Variants in INSR observed in about 807,000 individuals in gnomAD.
INSR encodes IR.
INSR carries 67 observed loss-of-function variants against 142.6 expected under a neutral mutation model. That is an observed-to-expected ratio of 0.47 (90% CI 0.39 to 0.58). The LOEUF (loss-of-function observed/expected upper bound fraction) is 0.58, where lower values mean the gene tolerates loss of function less well. Among genes scored for constraint, INSR ranks in the 20% least tolerant of loss-of-function variants. The pLI, the probability that INSR is intolerant of heterozygous loss-of-function variation, is 0.00. For synonymous variants in INSR, 756 were observed against 743.1 expected (o/e 1.02, Z -0.28); for missense variants, 1,248 against 1,833.2 (o/e 0.68, Z 5.83).
chr19:7,269,205 T>A (rs1344042725), intron 1 of INSR, among the ~76,000 whole-genome samples: 17 of 119,488 alleles, frequency 1.4e-4, no homozygotes, highest in African/African-American at 3.7e-4. Flanking sequence ...GAATAGTAAA[T>A]CCTCTAAAAA....
chr19:7,180,420 C>T (rs1381636444), intron 3 of INSR, among the ~76,000 whole-genome samples: 1 of 150,676 alleles, frequency 6.6e-6, no homozygotes, highest in African/African-American at 2.4e-5. Flanking sequence ...GTCCCAGCTA[C>T]TCAGGAGGCT....
At chr19:7,167,379 C>T (rs1973911434) in intron 7 of INSR, among the ~76,000 whole-genome samples, 1 of 152,074 alleles carries the variant, frequency 6.6e-6, no homozygotes, top group Non-Finnish European at 1.5e-5. Flanking sequence ...GAGTTTGAGA[C>T]CAGCCTGGCC....
At chr19:7,270,986 C>T (rs889391991) in intron 1 of INSR, among the ~76,000 whole-genome samples, 4 of 151,132 alleles carry the variant, frequency 2.6e-5, no homozygotes, top group Admixed American at 6.6e-5. Context: ...GGCATGAACC[C>T]GGGAGGCGGA....
chr19:7,154,317 T>TTG (rs1333212333), intron 9 of INSR, among the ~76,000 whole-genome samples: 4 of 143,900 alleles, frequency 2.8e-5, no homozygotes, highest in Non-Finnish European at 6.1e-5. Context: ...TTTTTTTTTT[T>TTG]TTTGAGATGG....
In INSR at chr19:7,122,378, G is replaced by T. The variant is rs4031066; in HGVS notation, c.3529+236C>A. On this transcript the variant is annotated intron_variant, in intron 19 of 21. Transcript: ENST00000302850. Reference sequence around the variant, plus strand: ...GAATCACTTGAACCTGGGAGGTGGAGGTTGCAGTGAGCTGAGATCACACCA... The same window carrying T: ...GAATCACTTGAACCTGGGAGGTGGATGTTGCAGTGAGCTGAGATCACACCA... 0.67 allele frequency among the ~76,000 whole-genome samples: 101,396 copies of T among 151,324 alleles called. 34,246 individuals carry two copies. Among genetic ancestry groups the T allele is most frequent in the East Asian group, 0.87 (4,471 of 5,132 alleles).
intron 9 of INSR, among the ~76,000 whole-genome samples, chr19:7,160,625 AAAAAAGAAGAAG>A (rs1376845187): frequency 6.6e-6 from 1 of 151,936 alleles, no homozygotes; most frequent in African/African-American, 2.4e-5. Context: ...ACCCCATCTT[AAAAAAGAAGAAG>A]AAAAAGAAAA....
rs1200666164 is a variant in INSR, at chr19:7,192,514, T to G, written c.653-7877A>C. The stretch of plus-strand genomic sequence containing the variant: ...TGACCTGATCCCCCTCATTGACACG[T>G]AATGAGCCCAAGTGTCCGTTCCTGC... On this transcript the variant is annotated intron_variant, in intron 2 of 21. Transcript: ENST00000302850. This position sits in a 1 kb window ranked among gnomAD's most constrained non-coding sequence, Gnocchi z 4.2. Among the ~76,000 whole-genome samples the G allele has an allele frequency of 6.6e-6, 1 of 152,052 alleles. No individual in the cohort carries two copies. The highest frequency in any genetic ancestry group is 2.4e-5 in the African/African-American group (1 of 41,388).
At chr19:7,214,283 A>G (rs1975364478) in intron 2 of INSR, among the ~76,000 whole-genome samples, 1 of 152,082 alleles carries the variant, frequency 6.6e-6, no homozygotes, top group Non-Finnish European at 1.5e-5. Context: ...TCCTCCCAGA[A>G]CTCTAGTTCT....
At chr19:7,213,036 A>C (rs1975322014) in intron 2 of INSR, among the ~76,000 whole-genome samples, 1 of 151,954 alleles carries the variant, frequency 6.6e-6, no homozygotes, top group African/African-American at 2.4e-5. Context: ...TTAGAATAAC[A>C]GTGAAGATGC....
rs751390673 is a variant in INSR at position 7,174,564 on chromosome 19, C to T, written c.1123+19G>A. 4 of 1,613,044 alleles carry T rather than the reference C, an allele frequency of 2.5e-6. No individual in the cohort carries two copies. Among genetic ancestry groups the T allele is most frequent in the Admixed American group, 1.7e-5 (1 of 59,926 alleles). On this transcript the variant is annotated intron_variant, in intron 4 of 21. Coordinates refer to ENST00000302850, the MANE Select transcript of INSR (RefSeq NM_000208.4). Reference sequence around the variant, plus strand: ...TGGAGCCCAACAGGCACCCCCGACGCCCACACAGAGACACTCACTGCCTCC... The same window carrying T: ...TGGAGCCCAACAGGCACCCCCGACGTCCACACAGAGACACTCACTGCCTCC...
At chr19:7,289,405 C>CTTTT (rs777933899) in intron 1 of INSR, among the ~76,000 whole-genome samples, 1 of 130,220 alleles carries the variant, frequency 7.7e-6, no homozygotes, top group Non-Finnish European at 1.7e-5. Context: ...TTTTTCTTTT[C>CTTTT]TTTTTTTTTT....
At chr19:7,275,752 A>C (rs948935659) in intron 1 of INSR, among the ~76,000 whole-genome samples, 14 of 148,298 alleles carry the variant, frequency 9.4e-5, no homozygotes, top group African/African-American at 3.0e-4. Flanking sequence ...GTGCCATTAC[A>C]CTCCAGCCTG....
chr19:7,132,166 G>A lies in INSR; in HGVS notation c.2834C>T (p.Thr945Ile). ...CTGCCATGGAGACTTACAATAGTCT[G>A]TCACGTAGAAATAGGTGGGTTCCGT... is the stretch of plus-strand genomic sequence containing the variant. ...SWTEPTYFYV[T>I]DYLDVPSNIA... The change falls in exon 14 of 22, where the codon ACA (threonine) becomes ATA (isoleucine). Residue 945 changes from threonine to isoleucine, a missense_variant. Coordinates refer to ENST00000302850, the MANE Select transcript of INSR (RefSeq NM_000208.4). 6.2e-7 allele frequency: 1 copy of A among 1,614,138 alleles called. No homozygotes were observed. Among genetic ancestry groups the A allele is most frequent in the East Asian group, 2.2e-5 (1 of 44,876 alleles).
At chr19:7,198,146 C>A (rs919888389) in intron 2 of INSR, among the ~76,000 whole-genome samples, 1 of 151,878 alleles carries the variant, frequency 6.6e-6, no homozygotes, top group Non-Finnish European at 1.5e-5. Flanking sequence ...GGCCTCAGCG[C>A]AGCACAAAGC....
In INSR at chr19:7,267,683, T is replaced by C. The variant is rs1967781164; in HGVS notation, c.314A>G (p.Asn105Ser). 3 of 1,613,874 alleles carry C rather than the reference T, an allele frequency of 1.9e-6. No individual in the cohort carries two copies. The highest frequency in any genetic ancestry group is 2.5e-6 in the Non-Finnish European group (3 of 1,179,972). Residue 105 changes from asparagine to serine, a missense_variant, in exon 2 of 22, where the codon AAC becomes AGC. Around this residue, in one of 3 missense-constraint regions of INSR, gnomAD observed 1,069 missense variants for 1,654.0 expected, o/e 0.65. Coordinates refer to ENST00000302850, the MANE Select transcript of INSR (RefSeq NM_000208.4). The surrounding 1 kb of genome is among the most constrained non-coding windows in gnomAD (Gnocchi z 6.3). ...TCGTGATCCCCGGATGACCGTGAGG[T>C]TGGGGAACAGGTCCTTCAGGCTCTC... ...GLESLKDLFP[N>S]LTVIRGSRLF...
intron 2 of INSR, among the ~76,000 whole-genome samples, chr19:7,208,148 A>G (rs1975168389): frequency 6.6e-6 from 1 of 152,086 alleles, no homozygotes; most frequent in Non-Finnish European, 1.5e-5. Context: ...CTGAGATGCT[A>G]CTGACCTCAT....
intron 9 of INSR, among the ~76,000 whole-genome samples, chr19:7,157,698 C>A (rs1052213986): frequency 2.0e-5 from 3 of 151,946 alleles, no homozygotes; most frequent in African/African-American, 7.2e-5. Context: ...TCTTTACAAG[C>A]AAAATCTGCA....
rs35679001 is a variant in INSR at position 7,207,901 on chromosome 19, A to AAAGGAAGGAAGGAAGGAAGGAAGGAAGG, written c.653-23292_653-23265dup. Reference sequence around the variant, plus strand: ...GACCTTGTTTGAGAAGGAAGGAAGGAAAGGAAGGAAGGAAGGAAGGAAGGA... The same window carrying AAAGGAAGGAAGGAAGGAAGGAAGGAAGG: ...GACCTTGTTTGAGAAGGAAGGAAGGAAAGGAAGGAAGGAAGGAAGGAAGGAAGGAAGGAAGGAAGGAAGGAAGGAAGGA... On this transcript the variant is annotated intron_variant, in intron 2 of 21. Transcript: ENST00000302850. Among the ~76,000 whole-genome samples the AAAGGAAGGAAGGAAGGAAGGAAGGAAGG allele has an allele frequency of 8.4e-3, 610 of 72,772 alleles. 14 individuals carry two copies. Among genetic ancestry groups the AAAGGAAGGAAGGAAGGAAGGAAGGAAGG allele is most frequent in the East Asian group, 0.018 (45 of 2,502 alleles). The allele number at this position is 72,772 out of a possible 152,430, so 47.7% of individuals were successfully genotyped here. A position where few individuals can be genotyped will look rare whatever the true frequency, so the allele number is the denominator to read the frequency against.
chr19:7,213,151 C>T (rs943025337), intron 2 of INSR, among the ~76,000 whole-genome samples: 1 of 151,970 alleles, frequency 6.6e-6, no homozygotes, highest in Non-Finnish European at 1.5e-5. Context: ...CGAGACCATC[C>T]TGGCTAACAC....
Sources: gnomAD v4.1 joint callset for allele counts (sites outside exome capture counted in the v4.1 genomes callset) on GRCh38, gnomAD v4.1.1 for gene constraint, gnomAD v4.1.1 regional missense constraint, Gnocchi (gnomAD v3.1) non-coding constraint, MANE v1.5 for transcripts, NCBI Gene and HGNC (gene_info 2026-07-23, HGNC 2026-07-21) for gene names.